Variants in CYP26C1 observed in about 807,000 individuals in gnomAD.
CYP26C1 encodes the protein cytochrome P450 family 26 subfamily C member 1.
A neutral mutation model predicts 39.1 loss-of-function variants in CYP26C1; 41 were observed. The ratio of observed to expected loss-of-function variants is 1.05; its 90% CI spans 0.82 to 1.36. The LOEUF is 1.36. CYP26C1 is among the 40% of genes most tolerant of loss of function. The pLI, the probability that CYP26C1 is intolerant of heterozygous loss-of-function variation, is 0.00. For synonymous variants in CYP26C1, 362 were observed against 350.8 expected (o/e 1.03, Z -0.36); for missense variants, 833 against 752.0 (o/e 1.11, Z -1.26).
rs1489147277 is a variant in CYP26C1 at position 93,066,174 on chromosome 10, C to A, written c.1080C>A (p.Leu360=). The part of the protein sequence containing the change: ...PDCGCEPDLS[L]AALGRLRYVD... ...GCGGCTGCGAGCCCGACCTCAGCCTCGCGGCGCTGGGCCGTCTGCGCTACG... is the reference window on the plus strand; with the variant it reads ...GCGGCTGCGAGCCCGACCTCAGCCTAGCGGCGCTGGGCCGTCTGCGCTACG... The change falls in exon 5 of 6, where the codon CTC becomes CTA. Residue 360 remains leucine, a synonymous_variant. Transcript: ENST00000651965. The A allele has an allele frequency of 1.4e-6, 2 of 1,442,860 alleles. No homozygotes were observed. The highest frequency in any genetic ancestry group is 2.8e-5 in the East Asian group (1 of 35,666). 89.4% of individuals were successfully genotyped at this position (1,442,860 alleles called of 1,614,324 possible). A position where few individuals can be genotyped will look rare whatever the true frequency, so the allele number is the denominator to read the frequency against.
intron 5 of CYP26C1, among the ~76,000 whole-genome samples, chr10:93,067,021 G>T (rs1026982053): frequency 2.0e-5 from 3 of 152,264 alleles, no homozygotes; most frequent in African/African-American, 7.2e-5. Context: ...CAAACTGTGG[G>T]TGTTTGCCTG....
In CYP26C1 at chr10:93,062,204, G is replaced by T. The variant is rs764006539; in HGVS notation, c.399G>T (p.Ala133=). The T allele has an allele frequency of 3.0e-5, 46 of 1,526,228 alleles. No homozygotes were observed. In the South Asian group the frequency reaches 3.4e-4, roughly 11 times the overall value. 94.5% of individuals were successfully genotyped at this position (1,526,228 alleles called of 1,614,324 possible). A position where few individuals can be genotyped will look rare whatever the true frequency, so the allele number is the denominator to read the frequency against. ...TGGGCTCGCACACACTGCTAGGTGC[G>T]GTCGGCGAGCCGCACCGGCGGCGGC... ...ILLGSHTLLG[A]VGEPHRRRRK... The change falls in exon 2 of 6, where the codon GCG becomes GCT. Residue 133 remains alanine (A), a synonymous_variant. Coordinates refer to ENST00000651965, the MANE Select transcript of CYP26C1 (RefSeq NM_183374.3).
At chr10:93,068,115 G>A (rs550527553) in intron 5 of CYP26C1, among the ~76,000 whole-genome samples, 2 of 152,350 alleles carry the variant, frequency 1.3e-5, no homozygotes, top group South Asian at 4.1e-4. Flanking sequence ...AGCTCAGAGA[G>A]GCTGCGCATC....
intron 5 of CYP26C1, among the ~76,000 whole-genome samples, chr10:93,067,904 T>C (rs958217627): frequency 2.6e-5 from 4 of 152,196 alleles, no homozygotes; most frequent in African/African-American, 9.6e-5. Flanking sequence ...CATGTGCATT[T>C]TTCCCACTCT....
At position 93,061,007 on chromosome 10, in the gene CYP26C1, G is replaced by A; in HGVS notation, c.-257G>A. 2.0e-6 allele frequency: 1 copy of A among 501,626 alleles called. No homozygotes were observed. Among genetic ancestry groups the A allele is most frequent in the Admixed American group, 4.1e-5 (1 of 24,310 alleles). The allele number at this position is 501,626 out of a possible 1,614,324, so 31.1% of individuals were successfully genotyped here. On this transcript the variant is annotated 5_prime_UTR_variant, in exon 1 of 6. Transcript: ENST00000651965. ...CGAGAGGGACTGGCATTTGGGCCCAGGAGCCAGGAAAAAGTCCTGAGCGTG... is the reference window on the plus strand; with the variant it reads ...CGAGAGGGACTGGCATTTGGGCCCAAGAGCCAGGAAAAAGTCCTGAGCGTG...
intron 4 of CYP26C1, 66 bp from the exon 5 acceptor site, chr10:93,065,890 C>CCCG (rs1469910469): frequency 7.0e-7 from 1 of 1,419,172 alleles, no homozygotes; most frequent in African/African-American, 1.5e-5. Context: ...TCCACGGGGC[C>CCCG]GTCGGGTCAG....
rs544551186 is a variant in CYP26C1, at chr10:93,065,078, G to A, written c.861+542G>A. On this transcript the variant is annotated intron_variant, in intron 4 of 5. Coordinates refer to ENST00000651965, the MANE Select transcript of CYP26C1 (RefSeq NM_183374.3). Reference sequence around the variant, plus strand: ...GGACCCCTCCCCTTGTACACACATCGCACATACAGTGGAGGGGAGGTGGTA... The same window carrying A: ...GGACCCCTCCCCTTGTACACACATCACACATACAGTGGAGGGGAGGTGGTA... 1.2e-4 allele frequency among the ~76,000 whole-genome samples: 18 copies of A among 152,272 alleles called. No homozygotes were observed. In the South Asian group the frequency reaches 2.7e-3, roughly 23 times the overall value.
At position 93,068,477 on chromosome 10, in the gene CYP26C1, T is replaced by C. The variant is rs751599414; in HGVS notation, c.1349T>C (p.Ile450Thr). 6.2e-7 allele frequency: 1 copy of C among 1,610,680 alleles called. No homozygotes were observed. Among genetic ancestry groups the C allele is most frequent in the Non-Finnish European group, 8.5e-7 (1 of 1,178,864 alleles). Reference sequence around the variant, plus strand: ...GGCGCCTCCAGCCGCTTCCATTACATCCCGTTCGGCGGCGGTGCGCGCAGC... The same window carrying C: ...GGCGCCTCCAGCCGCTTCCATTACACCCCGTTCGGCGGCGGTGCGCGCAGC... Reference protein sequence around the residue: ...SRGASSRFHYIPFGGGARSCL... With the variant: ...SRGASSRFHYTPFGGGARSCL... The change falls in exon 6 of 6, where the codon ATC becomes ACC. Residue 450 changes from isoleucine to threonine, a missense_variant. Ile to Thr is a moderately conservative substitution (Grantham distance 89). Transcript: ENST00000651965.
intron 2 of CYP26C1, 33 bp from the exon 3 acceptor site, chr10:93,062,687 C>G: frequency 7.2e-7 from 1 of 1,390,040 alleles, no homozygotes; most frequent in Middle Eastern, 2.7e-4. Context: ...GAGGCCAGAC[C>G]GCCGCCAGCG....
chr10:93,061,662 T>TC (rs1326983991), intron 1 of CYP26C1, among the ~76,000 whole-genome samples, 195 bp downstream of exon 1: 2 of 151,388 alleles, frequency 1.3e-5, no homozygotes, highest in African/African-American at 4.9e-5. Flanking sequence ...TCACTGGAAT[T>TC]CCCCCCAGAG....
chr10:93,066,730 G>A (rs974271926), intron 5 of CYP26C1, among the ~76,000 whole-genome samples: 20 of 152,326 alleles, frequency 1.3e-4, no homozygotes, highest in East Asian at 1.9e-4. Flanking sequence ...CATTGCGACC[G>A]GTCCAGGGTT....
In CYP26C1 at chr10:93,066,394, T is replaced by G; in HGVS notation, c.1191+109T>G. On this transcript the variant is annotated intron_variant, in intron 5 of 5. Transcript: ENST00000651965. ...CCAGGTGGGAGGAGGGCGGAGGGATTCGGACGGCGCGGTCACCTCTTTTGC... is the reference window on the plus strand; with the variant it reads ...CCAGGTGGGAGGAGGGCGGAGGGATGCGGACGGCGCGGTCACCTCTTTTGC... 3.6e-6 allele frequency: 4 copies of G among 1,100,044 alleles called. No homozygotes were observed. The South Asian group carries it at 1.5e-4, about 43-fold the overall frequency. 68.1% of individuals were successfully genotyped at this position (1,100,044 alleles called of 1,614,324 possible).
chr10:93,062,328 T>G (rs1846762218), intron 2 of CYP26C1, 94 bp downstream of exon 2: 1 of 1,305,168 alleles, frequency 7.7e-7, no homozygotes, highest in Admixed American at 2.7e-5. Flanking sequence ...TTGGATACAC[T>G]GTGAACCCGA....
chr10:93,065,900 G>A (rs1316446909), intron 4 of CYP26C1, 56 bp from the exon 5 acceptor site: 24 of 1,453,270 alleles, frequency 1.7e-5, no homozygotes, highest in Admixed American at 2.7e-5. Context: ...CGTCGGGTCA[G>A]CGCCCCGGGC....
In CYP26C1 at chr10:93,068,665, C is replaced by A. The variant is rs746500540; in HGVS notation, c.1537C>A (p.Pro513Thr). 3.8e-6 allele frequency: 6 copies of A among 1,580,708 alleles called. No individual in the cohort carries two copies. Among genetic ancestry groups the A allele is most frequent in the Non-Finnish European group, 5.2e-6 (6 of 1,160,680 alleles). ...GLRLFFHPLT[P>T]SVAGNGLCL ...GCGGCTCTTTTTCCACCCCCTCACGCCTTCGGTTGCGGGGAATGGGCTATG... is the reference window on the plus strand; with the variant it reads ...GCGGCTCTTTTTCCACCCCCTCACGACTTCGGTTGCGGGGAATGGGCTATG... The change falls in exon 6 of 6, where the codon CCT becomes ACT. Residue 513 changes from proline to threonine, a missense_variant. Coordinates refer to ENST00000651965, the MANE Select transcript of CYP26C1 (RefSeq NM_183374.3).
chr10:93,063,303 C>T, intron 3 of CYP26C1: 1 of 1,148,920 alleles, frequency 8.7e-7, no homozygotes, highest in East Asian at 4.4e-5. Context: ...GGCAGGCGTC[C>T]TGCCAGTCGG....
At position 93,064,444 on chromosome 10, in the gene CYP26C1, G is replaced by C; in HGVS notation, c.769G>C (p.Glu257Gln). ...GGGGGCCATTTCTGAGAAGCTTCAC[G>C]AGGACAAGGCTGCAGAGCCGGGTGA... ...LEGAISEKLH[E>Q]DKAAEPGDAL... is the part of the protein sequence containing the mutation. The change falls in exon 4 of 6, where the codon GAG (glutamate) becomes CAG (glutamine). Residue 257 changes from glutamate to glutamine, a missense_variant. Transcript: ENST00000651965. The C allele has an allele frequency of 6.2e-7, 1 of 1,614,140 alleles. No homozygotes were observed.
At chr10:93,065,564 C>A (rs532959546) in intron 4 of CYP26C1, among the ~76,000 whole-genome samples, 11 of 152,190 alleles carry the variant, frequency 7.2e-5, no homozygotes, top group Non-Finnish European at 1.3e-4. Flanking sequence ...GGACCTTGAG[C>A]ACTACTCTGG....
chr10:93,061,318 C>A lies in CYP26C1; in HGVS notation c.55C>A (p.Leu19Ile). 1 of 1,596,738 alleles carries A rather than the reference C, an allele frequency of 6.3e-7. No individual in the cohort carries two copies. Among genetic ancestry groups the A allele is most frequent in the South Asian group, 1.1e-5 (1 of 87,940 alleles). ...AGTGCTGGGGGCGGCGGGCACTGCT[C>A]TCCTGTGCGCGGGCCTGCTGCTCAG... ...LSVLGAAGTA[L>I]LCAGLLLSLA... The change falls in exon 1 of 6, where the codon CTC becomes ATC. Residue 19 changes from leucine (L) to isoleucine (I), a missense_variant. Transcript: ENST00000651965.
Sources: allele counts gnomAD v4.1 joint callset (sites outside exome capture counted in the v4.1 genomes callset), GRCh38; gene constraint gnomAD v4.1.1; transcripts MANE v1.5; gene names NCBI Gene and HGNC (gene_info 2026-07-23, HGNC 2026-07-21).